The following PTPRN2 variants were observed in gnomAD, a reference collection of about 807,000 sequenced individuals.
PTPRN2 encodes receptor-type tyrosine-protein phosphatase N2.
PTPRN2 carries 74 observed loss-of-function variants against 118.8 expected under a neutral mutation model. That is an observed-to-expected ratio of 0.62 (90% CI 0.52 to 0.76). PTPRN2 has a LOEUF of 0.76. Among genes scored for constraint, PTPRN2 ranks in the 30% least tolerant of loss-of-function variants. PTPRN2 has a pLI of 0.00. For synonymous variants in PTPRN2, 641 were observed against 608.0 expected (o/e 1.05, Z -0.80); for missense variants, 1,481 against 1,394.4 (o/e 1.06, Z -0.99).
chr7:158,324,573 C>T (rs1292588673), intron 2 of PTPRN2, among the ~76,000 whole-genome samples: 3 of 151,772 alleles, frequency 2.0e-5, no homozygotes, highest in African/African-American at 7.3e-5. Flanking sequence ...TGCGCCTCCA[C>T]CCCATCCCGT....
At position 158,514,815 on chromosome 7, in the gene PTPRN2, G is replaced by A. The variant is rs573290082; in HGVS notation, c.113-25030C>T. On this transcript the variant is annotated intron_variant, in intron 1 of 22. Coordinates refer to ENST00000389418, the MANE Select transcript of PTPRN2 (RefSeq NM_002847.5). ...CATTTGGTTAACAGGAAAACATCTC[G>A]CAGATGTAACAGCCATGGCTGACTT... Among the ~76,000 whole-genome samples, 11 of 152,226 alleles carry A rather than the reference G, an allele frequency of 7.2e-5. No individual in the cohort carries two copies. The East Asian group carries it at 1.4e-3, about 19-fold the overall frequency.
chr7:158,116,268 G>C (rs1816719500), intron 9 of PTPRN2, among the ~76,000 whole-genome samples: 1 of 152,212 alleles, frequency 6.6e-6, no homozygotes, highest in East Asian at 1.9e-4. Flanking sequence ...TAAAACTAAA[G>C]TAAAGCATGA....
chr7:158,140,793 C>T (rs1563497229), intron 6 of PTPRN2, among the ~76,000 whole-genome samples: 2 of 152,322 alleles, frequency 1.3e-5, no homozygotes, highest in Non-Finnish European at 1.5e-5. Context: ...CTGCGCATCT[C>T]GCCGTGTGTA....
rs1223782647 is a variant in PTPRN2 at position 157,881,138 on chromosome 7, G to T, written c.1788+17535C>A. The stretch of plus-strand genomic sequence containing the variant: ...TCATTATGATAAAATGAAGTCATGA[G>T]GGTATGTGGAGATGGAGGTGTTTAC... On this transcript the variant is annotated intron_variant, in intron 12 of 22. Coordinates refer to ENST00000389418, the MANE Select transcript of PTPRN2 (RefSeq NM_002847.5). The surrounding 1 kb of genome is among the most constrained non-coding windows in gnomAD (Gnocchi z 4.7). Among the ~76,000 whole-genome samples, 2 of 151,404 alleles carry T rather than the reference G, an allele frequency of 1.3e-5. No individual in the cohort carries two copies. The highest frequency in any genetic ancestry group is 2.0e-4 in the East Asian group (1 of 5,120).
At chr7:157,712,449 G>C (rs1020417161) in intron 12 of PTPRN2, among the ~76,000 whole-genome samples, 1 of 152,102 alleles carries the variant, frequency 6.6e-6, no homozygotes, top group Admixed American at 6.5e-5. Context: ...CTGGTGTCCT[G>C]ATCAAAAACG....
intron 2 of PTPRN2, among the ~76,000 whole-genome samples, chr7:158,450,882 C>T (rs560051320): frequency 1.3e-5 from 2 of 152,290 alleles, no homozygotes; most frequent in Non-Finnish European, 2.9e-5. Context: ...AAACCTCAGC[C>T]GCAGCAAACA....
chr7:158,459,650 C>T (rs573518835), intron 2 of PTPRN2, among the ~76,000 whole-genome samples: 2 of 152,334 alleles, frequency 1.3e-5, no homozygotes, highest in South Asian at 4.1e-4. Flanking sequence ...GTCCAGTGGC[C>T]CCTGTCCAGC....
intron 1 of PTPRN2, among the ~76,000 whole-genome samples, chr7:158,582,796 CAAAAAAAAAAAAAAAA>C (rs1156687117): frequency 2.3e-5 from 1 of 44,296 alleles, no homozygotes; most frequent in African/African-American, 7.7e-5. Context: ...GACTCCATCT[CAAAAAAAAAAAAAAAA>C]AAAAAAAAAG....
intron 12 of PTPRN2, among the ~76,000 whole-genome samples, chr7:157,776,466 T>C: frequency 1.4e-5 from 2 of 144,340 alleles, no homozygotes; most frequent in Non-Finnish European, 3.0e-5. Context: ...CTCCTCCCTC[T>C]CCTTCTCCCT....
intron 12 of PTPRN2, among the ~76,000 whole-genome samples, chr7:157,709,498 G>A (rs1306485292): frequency 6.6e-6 from 1 of 152,170 alleles, no homozygotes; most frequent in Non-Finnish European, 1.5e-5. Context: ...AGCACGAAGT[G>A]AGTGACACAG....
At chr7:158,155,697 C>G (rs1407496398) in intron 6 of PTPRN2, among the ~76,000 whole-genome samples, 1 of 149,570 alleles carries the variant, frequency 6.7e-6, no homozygotes, top group African/African-American at 2.5e-5. Context: ...ACCATCAGCA[C>G]TATCATCACC....
At chr7:158,039,328 G>T (rs533155321) in intron 11 of PTPRN2, among the ~76,000 whole-genome samples, 3 of 152,290 alleles carry the variant, frequency 2.0e-5, no homozygotes, top group Non-Finnish European at 4.4e-5. Flanking sequence ...TCACTTATGG[G>T]AGGAAAAGAA....
At position 157,744,387 on chromosome 7, in the gene PTPRN2, G is replaced by T. The variant is rs73744865; in HGVS notation, c.1789-61450C>A. On this transcript the variant is annotated intron_variant, in intron 12 of 22. Transcript: ENST00000389418. ...ATAGGAACTGGGGACCCGACCTGGC[G>T]CCCGTTCAACAGACCCAAGCCTCCC... 1.5e-3 allele frequency among the ~76,000 whole-genome samples: 232 copies of T among 152,264 alleles called. 1 individual carries two copies. The highest frequency in any genetic ancestry group is 5.3e-3 in the African/African-American group (221 of 41,528).
intron 3 of PTPRN2, among the ~76,000 whole-genome samples, chr7:158,262,355 T>A (rs1277110183): frequency 8.7e-6 from 1 of 114,290 alleles, no homozygotes; most frequent in African/African-American, 4.0e-5. Context: ...TCACACACAC[T>A]GCAAACATTC....
intron 11 of PTPRN2, among the ~76,000 whole-genome samples, chr7:157,919,002 G>A (rs552397743): frequency 6.6e-6 from 1 of 152,300 alleles, no homozygotes; most frequent in South Asian, 2.1e-4. Flanking sequence ...GAGTTTTCCA[G>A]GGGGTTAAGC....
At chr7:158,109,928 T>C (rs1350807452) in intron 10 of PTPRN2, among the ~76,000 whole-genome samples, 2 of 151,320 alleles carry the variant, frequency 1.3e-5, no homozygotes, top group East Asian at 3.9e-4. Flanking sequence ...GTGAATGACG[T>C]CACTCTGTGG....
intron 12 of PTPRN2, among the ~76,000 whole-genome samples, chr7:157,850,692 G>C (rs1287918245): frequency 6.6e-6 from 1 of 152,224 alleles, no homozygotes; most frequent in Non-Finnish European, 1.5e-5. Context: ...AAAAGGTGTA[G>C]AATAGCCTGG....
intron 10 of PTPRN2, among the ~76,000 whole-genome samples, chr7:158,083,087 T>C (rs2335487): frequency 0.58 from 87,766 of 151,980 alleles, 25,794 homozygotes; most frequent in South Asian, 0.77. Flanking sequence ...TGAGAGTGGC[T>C]GATTCTCCCT....
intron 5 of PTPRN2, among the ~76,000 whole-genome samples, chr7:158,182,598 T>A (rs1824805775): frequency 6.6e-6 from 1 of 152,188 alleles, no homozygotes; most frequent in South Asian, 2.1e-4. Flanking sequence ...CCTGTGTTAG[T>A]TTGTTGAGGA....
Sources: gnomAD v4.1 joint callset for allele counts (sites outside exome capture counted in the v4.1 genomes callset) on GRCh38, gnomAD v4.1.1 for gene constraint, Gnocchi (gnomAD v3.1) non-coding constraint, MANE v1.5 for transcripts, NCBI Gene and HGNC (gene_info 2026-07-23, HGNC 2026-07-21) for gene names.